Variants in U2SURP observed in about 807,000 individuals in gnomAD.
U2SURP encodes U2 snRNP-associated SURP motif-containing protein.
U2SURP carries 9 observed loss-of-function variants against 144.9 expected under a neutral mutation model. The observed-to-expected ratio is 0.06, with a 90% CI of 0.04 to 0.11. The LOEUF is 0.11. Ranked by LOEUF, U2SURP falls within the 10% of genes least tolerant of loss-of-function variation. U2SURP has a pLI of 1.00. For synonymous variants in U2SURP, 408 were observed against 396.8 expected, an observed-to-expected ratio of 1.03 and a Z score of -0.33; for missense variants, 724 against 1,226.7, an observed-to-expected ratio of 0.59 and a Z score of 6.12.
chr3:143,011,672 A>G (rs1219434428), intron 2 of U2SURP, among the ~76,000 whole-genome samples: 2 of 152,078 alleles, frequency 1.3e-5, no homozygotes, highest in African/African-American at 4.8e-5. Context: ...ATAATTAGAA[A>G]TAATTTTTAC....
intron 24 of U2SURP, among the ~76,000 whole-genome samples, chr3:143,050,698 T>G (rs1401305730): frequency 2.0e-5 from 3 of 152,198 alleles, no homozygotes; most frequent in Non-Finnish European, 4.4e-5. Context: ...AGAGAATAAG[T>G]GAGTTCTTAC....
intron 6 of U2SURP, chr3:143,017,276 A>G (rs1475291157): frequency 2.3e-5 from 5 of 216,244 alleles, no homozygotes; most frequent in Non-Finnish European, 3.6e-5. Context: ...TTGACTTGCA[A>G]TGGGGTTGTC....
chr3:143,042,750 A>G (rs1030504812), intron 23 of U2SURP, among the ~76,000 whole-genome samples: 3 of 152,216 alleles, frequency 2.0e-5, no homozygotes, highest in Non-Finnish European at 4.4e-5. Context: ...AATGGAGAAC[A>G]TAAAGCTTCT....
chr3:143,056,597 C>A lies in U2SURP; in HGVS notation c.*147C>A. Reference sequence around the variant, plus strand: ...GTGTATGCATGTGTAAACTCATGAGCAACTGCATCTGTAGATCTGTCATTG... The same window carrying A: ...GTGTATGCATGTGTAAACTCATGAGAAACTGCATCTGTAGATCTGTCATTG... On this transcript the variant is annotated 3_prime_UTR_variant, in exon 28 of 28. Coordinates refer to ENST00000473835, the MANE Select transcript of U2SURP (RefSeq NM_001080415.2). 1.2e-6 allele frequency: 1 copy of A among 805,624 alleles called. No homozygotes were observed. 49.9% of individuals were successfully genotyped at this position (805,624 alleles called of 1,614,324 possible). A position where few individuals can be genotyped will look rare whatever the true frequency, so the allele number is the denominator to read the frequency against.
At chr3:143,001,778 C>A in intron 1 of U2SURP, 105 bp downstream of exon 1, 1 of 1,463,416 alleles carries the variant, frequency 6.8e-7, no homozygotes, top group Non-Finnish European at 9.4e-7. Context: ...GGTCTGCATT[C>A]TAGTCGCGAC....
At chr3:143,012,788 G>T (rs532442933) in intron 3 of U2SURP, among the ~76,000 whole-genome samples, 1 of 152,094 alleles carries the variant, frequency 6.6e-6, no homozygotes, top group South Asian at 2.1e-4. Flanking sequence ...CAGTGCCCAG[G>T]GTAATACAGG....
At chr3:143,035,844 A>T in intron 19 of U2SURP, 138 bp from the exon 20 acceptor site, 1 of 828,536 alleles carries the variant, frequency 1.2e-6, no homozygotes, top group South Asian at 2.8e-5. Context: ...GTAATGATAT[A>T]TAGTTATTTT....
chr3:143,010,478 A>T (rs997649927), intron 1 of U2SURP, among the ~76,000 whole-genome samples: 7 of 152,220 alleles, frequency 4.6e-5, no homozygotes, highest in African/African-American at 1.7e-4. Context: ...GCAGTAAACG[A>T]TGCATCTATG....
intron 24 of U2SURP, among the ~76,000 whole-genome samples, chr3:143,050,109 G>T (rs2108316261): frequency 6.6e-6 from 1 of 151,974 alleles, no homozygotes; most frequent in Admixed American, 6.5e-5. Flanking sequence ...TTTTGCTGTT[G>T]TTTCCCAGGC....
chr3:143,047,008 C>T (rs1420909711), intron 24 of U2SURP, among the ~76,000 whole-genome samples: 10 of 140,132 alleles, frequency 7.1e-5, no homozygotes, highest in African/African-American at 2.9e-4. Flanking sequence ...CTGACCCCCC[C>T]ACCTCCCTCC....
chr3:143,020,421 C>T (rs1273216631), intron 7 of U2SURP, among the ~76,000 whole-genome samples, 178 bp from the exon 8 acceptor site: 2 of 152,178 alleles, frequency 1.3e-5, no homozygotes, highest in African/African-American at 4.8e-5. Context: ...TATGATATAT[C>T]AGAAATTTGC....
chr3:143,007,527 C>T (rs1211367586), intron 1 of U2SURP, among the ~76,000 whole-genome samples: 3 of 150,990 alleles, frequency 2.0e-5, no homozygotes, highest in South Asian at 2.1e-4. Context: ...CTGCAAGCTC[C>T]GCCTCCCGGG....
chr3:143,028,794 A>G (rs930584593), intron 16 of U2SURP, 148 bp downstream of exon 16: 2 of 700,672 alleles, frequency 2.9e-6, no homozygotes, highest in Middle Eastern at 3.7e-4. Flanking sequence ...CATGTGCTTT[A>G]TAATTTTAAA....
Position 143,021,515 on chromosome 3 carries a change from C to G in U2SURP, c.812C>G (p.Pro271Arg). 1 of 1,613,724 alleles carries G rather than the reference C, an allele frequency of 6.2e-7. No homozygotes were observed. The highest frequency in any genetic ancestry group is 8.5e-7 in the Non-Finnish European group (1 of 1,179,822). The change falls in exon 10 of 28, where the codon CCA (proline) becomes CGA (arginine). Residue 271 changes from proline (P) to arginine (R), a missense_variant. Pro to Arg is a moderately radical substitution (Grantham distance 103). Transcript: ENST00000473835. ...YAPGSHDVGD[P>R]STTNLYLGNI... ...CCTGGCTCACATGATGTAGGAGATC[C>G]AAGCACTACTAATTTATACCTTGGA...
At chr3:143,014,229 G>A (rs1278561008) in intron 3 of U2SURP, 82 bp from the exon 4 acceptor site, 1 of 862,190 alleles carries the variant, frequency 1.2e-6, no homozygotes, top group African/African-American at 1.8e-5. Flanking sequence ...CTATTCTGAA[G>A]ACTTAGTTAT....
In U2SURP at chr3:143,059,295, C is replaced by G. The variant is rs556619607; in HGVS notation, c.*2845C>G. ...GATGGCAGAAATTACTCTACACAGA[C>G]CTGATTTTTCTTTATTGCAGACCAT... On this transcript the variant is annotated 3_prime_UTR_variant, in exon 28 of 28. Coordinates refer to ENST00000473835, the MANE Select transcript of U2SURP (RefSeq NM_001080415.2). The G allele has an allele frequency of 8.5e-5, 13 of 152,436 alleles. No homozygotes were observed. Among genetic ancestry groups the G allele is most frequent in the African/African-American group, 2.9e-4 (12 of 41,532 alleles). The allele number at this position is 152,436 out of a possible 1,614,324, so 9.4% of individuals were successfully genotyped here.
At chr3:143,038,081 G>A (rs755338147) in intron 21 of U2SURP, 27 bp from the exon 22 acceptor site, 6 of 1,550,556 alleles carry the variant, frequency 3.9e-6, no homozygotes, top group Non-Finnish European at 5.3e-6. Flanking sequence ...TAGTAGTCAG[G>A]GTTAATGGCT....
chr3:143,022,508 A>G lies in U2SURP; in HGVS notation c.864A>G (p.Glu288=), dbSNP rs201558817. The G allele has an allele frequency of 1.9e-6, 3 of 1,558,810 alleles. No individual in the cohort carries two copies. Among genetic ancestry groups the G allele is most frequent in the Non-Finnish European group, 2.6e-6 (3 of 1,153,084 alleles). The change falls in exon 11 of 28, where the codon GAA becomes GAG. Residue 288 remains glutamate (E), a synonymous_variant. Coordinates refer to ENST00000473835, the MANE Select transcript of U2SURP (RefSeq NM_001080415.2). ...LGNINPQMNE[E]MLCQEFGRFG... The stretch of plus-strand genomic sequence containing the variant: ...ACCCTTTTTAATAGATGAATGAAGA[A>G]ATGCTGTGCCAAGAATTTGGAAGAT...
intron 24 of U2SURP, among the ~76,000 whole-genome samples, chr3:143,044,283 C>T (rs1205421589): frequency 1.9e-5 from 1 of 52,872 alleles, no homozygotes; most frequent in African/African-American, 1.0e-4. Flanking sequence ...TCCCCTCTCC[C>T]CTCTCCTTTT....
Sources: gnomAD v4.1 joint callset for allele counts (sites outside exome capture counted in the v4.1 genomes callset) on GRCh38, gnomAD v4.1.1 for gene constraint, MANE v1.5 for transcripts, NCBI Gene and HGNC (gene_info 2026-07-23, HGNC 2026-07-21) for gene names.